PCDHA10: variants seen among roughly 807,000 people sequenced by gnomAD.
PCDHA10 encodes protocadherin alpha-10.
In PCDHA10, 45 loss-of-function variants were observed where a neutral mutation model predicts 61.2. That is an observed-to-expected ratio of 0.74 (90% CI 0.58 to 0.94). The LOEUF (loss-of-function observed/expected upper bound fraction) is 0.94. Among genes scored for constraint, PCDHA10 ranks in the 40% least tolerant of loss-of-function variants. PCDHA10 has a pLI of 0.00. For synonymous variants in PCDHA10, 602 were observed against 548.8 expected (o/e 1.10, Z -1.35); for missense variants, 1,278 against 1,236.2 (o/e 1.03, Z -0.51).
chr5:140,877,217 C>A (rs571871387), intron 1 of PCDHA10: 2 of 1,613,742 alleles, frequency 1.2e-6, no homozygotes, highest in African/African-American at 1.3e-5. Flanking sequence ...GAGTTGGTAC[C>A]GCGGTCGGTG....
intron 1 of PCDHA10, chr5:140,967,465 C>T: frequency 1.2e-6 from 2 of 1,613,512 alleles, no homozygotes; most frequent in Non-Finnish European, 1.7e-6. Flanking sequence ...TGGATGGGGG[C>T]ATCCCAGCCC....
chr5:140,960,892 G>A (rs1401042931), intron 1 of PCDHA10, among the ~76,000 whole-genome samples: 1 of 152,126 alleles, frequency 6.6e-6, no homozygotes, highest in East Asian at 1.9e-4. Flanking sequence ...AATGAATTTG[G>A]GGCATATCTT....
At chr5:140,884,112 C>T (rs2153400405) in intron 1 of PCDHA10, 1 of 1,613,306 alleles carries the variant, frequency 6.2e-7, no homozygotes. Flanking sequence ...CAGCTGGCGG[C>T]GGTCGGCGCG....
chr5:140,929,927 G>A (rs2086481303), intron 1 of PCDHA10: 1 of 152,202 alleles, frequency 6.6e-6, no homozygotes, highest in Non-Finnish European at 1.5e-5. Flanking sequence ...ATAAAAAACA[G>A]TGTATTCTCT....
In PCDHA10 at chr5:140,883,674, C is replaced by A. The variant is rs782029001; in HGVS notation, c.2388+25238C>A. The A allele has an allele frequency of 4.3e-5, 70 of 1,613,620 alleles. No homozygotes were observed. The highest frequency in any genetic ancestry group is 5.8e-5 in the Non-Finnish European group (69 of 1,179,878). On this transcript the variant is annotated intron_variant, in intron 1 of 3. Transcript: ENST00000307360. ...ACGGTGTTCGTGAAGGAAAACAATC[C>A]GCCGGGCTGCCACATCTTCACGGTG...
intron 1 of PCDHA10, chr5:140,968,575 G>C: frequency 6.2e-7 from 1 of 1,614,134 alleles, no homozygotes; most frequent in Non-Finnish European, 8.5e-7. Context: ...CTGGCTACCT[G>C]GTCACCAAAG....
chr5:140,901,146 C>T (rs1463079898), intron 1 of PCDHA10, among the ~76,000 whole-genome samples: 1 of 152,062 alleles, frequency 6.6e-6, no homozygotes, highest in Admixed American at 6.6e-5. Context: ...AATATTTTCT[C>T]TCAATCTGTG....
At chr5:140,899,382 TGA>T (rs2067295037) in intron 1 of PCDHA10, among the ~76,000 whole-genome samples, 1 of 152,198 alleles carries the variant, frequency 6.6e-6, no homozygotes, top group Non-Finnish European at 1.5e-5. Context: ...CCTAATTTAT[TGA>T]GAGTTTTTAG....
In PCDHA10 at chr5:140,858,494, C is replaced by T. The variant is rs1451749220; in HGVS notation, c.2388+58C>T. 40 of 1,482,664 alleles carry T rather than the reference C, an allele frequency of 2.7e-5. 3 individuals carry two copies. In the Middle Eastern group the frequency reaches 5.1e-4, roughly 19 times the overall value. 91.8% of individuals were successfully genotyped at this position (1,482,664 alleles called of 1,614,324 possible). A position where few individuals can be genotyped will look rare whatever the true frequency, so the allele number is the denominator to read the frequency against. On this transcript the variant is annotated intron_variant, in intron 1 of 3. Transcript: ENST00000307360. Reference sequence around the variant, plus strand: ...CTTTATGAATAATATTTTCTCTTACCGCATTTTCTCAAATATGTATCAGAA... The same window carrying T: ...CTTTATGAATAATATTTTCTCTTACTGCATTTTCTCAAATATGTATCAGAA...
At chr5:140,934,660 C>T (rs139449604) in intron 1 of PCDHA10, among the ~76,000 whole-genome samples, 2 of 152,152 alleles carry the variant, frequency 1.3e-5, no homozygotes, top group African/African-American at 2.4e-5. Flanking sequence ...TGATTCTTCC[C>T]CTTTGTTTAG....
intron 1 of PCDHA10, chr5:140,967,992 C>T: frequency 1.2e-6 from 2 of 1,614,250 alleles, no homozygotes; most frequent in Non-Finnish European, 1.7e-6. Flanking sequence ...GCCACACTGC[C>T]TTTCCGACTG....
At chr5:140,882,989 G>A (rs567590369) in intron 1 of PCDHA10, 3 of 1,614,130 alleles carry the variant, frequency 1.9e-6, no homozygotes, top group African/African-American at 1.3e-5. Context: ...CAACGCCCCG[G>A]AATTTTACCA....
At chr5:140,967,141 G>T in intron 1 of PCDHA10, 2 of 1,611,258 alleles carry the variant, frequency 1.2e-6, no homozygotes, top group South Asian at 1.1e-5. Flanking sequence ...AAGTGCTGGC[G>T]CACAACCCCG....
At chr5:140,941,195 C>T (rs1337267572) in intron 1 of PCDHA10, among the ~76,000 whole-genome samples, 39 of 106,424 alleles carry the variant, frequency 3.7e-4, no homozygotes, top group Non-Finnish European at 4.9e-4. Context: ...CTTTTTTTTT[C>T]TTTCTTCCTT....
chr5:140,870,493 AAGG>A, intron 1 of PCDHA10: 1 of 1,614,214 alleles, frequency 6.2e-7, no homozygotes, highest in Non-Finnish European at 8.5e-7. Context: ...CGTGTTCGTG[AAGG>A]AGAACAACCC....
chr5:140,919,847 G>A (rs1309572866), intron 1 of PCDHA10, among the ~76,000 whole-genome samples: 1 of 152,200 alleles, frequency 6.6e-6, no homozygotes, highest in East Asian at 1.9e-4. Flanking sequence ...TTTGGAACCT[G>A]TGACCTCATT....
intron 3 of PCDHA10, among the ~76,000 whole-genome samples, chr5:141,001,534 G>A (rs2098024616): frequency 6.6e-6 from 1 of 152,180 alleles, no homozygotes; most frequent in African/African-American, 2.4e-5. Flanking sequence ...CTCTGATCCT[G>A]GACAGGATTT....
intron 1 of PCDHA10, among the ~76,000 whole-genome samples, chr5:140,942,781 A>G (rs1554215214): frequency 6.6e-6 from 1 of 152,214 alleles, no homozygotes; most frequent in Admixed American, 6.5e-5. Context: ...TTTAGGCAGA[A>G]TATTACAAAG....
At chr5:140,927,395 A>G (rs782188555) in intron 1 of PCDHA10, 3 of 1,614,194 alleles carry the variant, frequency 1.9e-6, no homozygotes, top group South Asian at 2.2e-5. Context: ...CCCAGTCAGC[A>G]CTTTCGCCTG....
Sources: gnomAD v4.1 joint callset for allele counts (sites outside exome capture counted in the v4.1 genomes callset) on GRCh38, gnomAD v4.1.1 for gene constraint, MANE v1.5 for transcripts, NCBI Gene and HGNC (gene_info 2026-07-23, HGNC 2026-07-21) for gene names.